The following CPLANE1 variants were observed in gnomAD, a reference collection of about 807,000 sequenced individuals.
The protein encoded by CPLANE1 is ciliogenesis and planar polarity effector 1.
A neutral mutation model predicts 362.5 loss-of-function variants in CPLANE1; 263 were observed. The ratio of observed to expected loss-of-function variants is 0.73; its 90% CI spans 0.66 to 0.80. The LOEUF (loss-of-function observed/expected upper bound fraction) is 0.80, where lower values mean the gene tolerates loss of function less well. CPLANE1 is among the 30% of genes least tolerant of loss of function. The pLI is 0.00. For synonymous variants in CPLANE1, 1,212 were observed against 1,302.6 expected, an observed-to-expected ratio of 0.93 and a Z score of 1.50; for missense variants, 3,461 against 3,793.4, an observed-to-expected ratio of 0.91 and a Z score of 2.30.
chr5:37,245,986 G>A (rs1392687796), intron 2 of CPLANE1, 141 bp from the exon 3 acceptor site: 3 of 825,942 alleles, frequency 3.6e-6, no homozygotes, highest in East Asian at 5.6e-5. Context: ...TGAACATTAA[G>A]CTTAATACTC....
chr5:37,162,569 T>A lies in CPLANE1; in HGVS notation c.7589-3A>T. ...AGTATTATCATCTTGTAGCATTTCT[T>A]AAATATAATAAAACATTGGAAGTAA... On this transcript the variant is annotated splice_polypyrimidine_tract_variant and splice_region_variant and intron_variant, in intron 37 of 52. Transcript: ENST00000651892. 2 of 1,588,626 alleles carry A rather than the reference T, an allele frequency of 1.3e-6. No individual in the cohort carries two copies. Among genetic ancestry groups the A allele is most frequent in the East Asian group, 2.2e-5 (1 of 44,740 alleles).
chr5:37,244,326 C>T (rs1413472528), intron 5 of CPLANE1, 49 bp downstream of exon 5: 2 of 1,268,996 alleles, frequency 1.6e-6, no homozygotes, highest in Non-Finnish European at 2.2e-6. Context: ...TATACCATTA[C>T]ACACTCTGCT....
At chr5:37,075,989 A>G in the CPLANE1 span, among the ~76,000 whole-genome samples, 1 of 152,144 alleles carries the variant, frequency 6.6e-6, no homozygotes, top group African/African-American at 2.4e-5. Context: ...CACACCTGCA[A>G]TCCCAGCACT....
intron 15 of CPLANE1, among the ~76,000 whole-genome samples, chr5:37,215,365 A>G (rs1341506012): frequency 6.6e-6 from 1 of 152,110 alleles, no homozygotes; most frequent in Non-Finnish European, 1.5e-5. Flanking sequence ...GATTTTCTTA[A>G]TACAACTTTC....
At chr5:37,247,595 T>G in intron 2 of CPLANE1, 23 bp downstream of exon 2, 1 of 1,544,766 alleles carries the variant, frequency 6.5e-7, no homozygotes, top group Non-Finnish European at 8.8e-7. Flanking sequence ...AAACTGGTAT[T>G]GCATGAATAA....
intron 19 of CPLANE1, among the ~76,000 whole-genome samples, chr5:37,199,401 T>C (rs956311533): frequency 1.3e-5 from 2 of 152,210 alleles, no homozygotes; most frequent in African/African-American, 4.8e-5. Flanking sequence ...ATCCTACTTA[T>C]ATTTCAATGT....
At chr5:37,160,251 G>C (rs1446243344) in intron 38 of CPLANE1, among the ~76,000 whole-genome samples, 1 of 152,104 alleles carries the variant, frequency 6.6e-6, no homozygotes, top group Non-Finnish European at 1.5e-5. Context: ...CTTAGATAAT[G>C]AACATTTAAG....
chr5:37,139,032 A>G (rs1461346636), intron 45 of CPLANE1, among the ~76,000 whole-genome samples, 184 bp from the exon 46 acceptor site: 1 of 152,170 alleles, frequency 6.6e-6, no homozygotes, highest in Non-Finnish European at 1.5e-5. Flanking sequence ...ATGACTTGGT[A>G]GATTTTCTTT....
intron 38 of CPLANE1, among the ~76,000 whole-genome samples, chr5:37,158,586 C>A (rs2150729400): frequency 6.6e-6 from 1 of 152,186 alleles, no homozygotes; most frequent in South Asian, 2.1e-4. Context: ...TTTACAAGAA[C>A]AATAAAGTAA....
Position 37,153,723 on chromosome 5 carries a change from A to G in CPLANE1, c.8373+17T>C. 1 of 1,584,294 alleles carries G rather than the reference A, an allele frequency of 6.3e-7. No homozygotes were observed. The highest frequency in any genetic ancestry group is 8.6e-7 in the Non-Finnish European group (1 of 1,160,140). On this transcript the variant is annotated intron_variant, in intron 42 of 52. Transcript: ENST00000651892. ...AATTCAGTAGCAAACAAAAAACTAA[A>G]AATAAAGGTAGTCTACCTTATCACA...
intron 16 of CPLANE1, among the ~76,000 whole-genome samples, chr5:37,208,275 T>C (rs1264566213): frequency 6.6e-6 from 1 of 152,248 alleles, no homozygotes; most frequent in Non-Finnish European, 1.5e-5. Context: ...CACACAGATC[T>C]TTCCGTTTCT....
At chr5:37,096,084 A>G in the CPLANE1 span, among the ~76,000 whole-genome samples, 5 of 152,212 alleles carry the variant, frequency 3.3e-5, no homozygotes, top group South Asian at 4.1e-4. Context: ...CAATTCTAAA[A>G]TTCATATGGA....
At chr5:37,130,845 A>AG (rs1376882896) in intron 46 of CPLANE1, 1 of 152,880 alleles carries the variant, frequency 6.5e-6, no homozygotes, top group Non-Finnish European at 1.5e-5. Context: ...CGAACTGCAT[A>AG]AACAGATCTT....
At chr5:37,191,585 T>G (rs1236940218) in intron 21 of CPLANE1, among the ~76,000 whole-genome samples, 1 of 152,000 alleles carries the variant, frequency 6.6e-6, no homozygotes, top group Non-Finnish European at 1.5e-5. Flanking sequence ...GCAGGAAAAA[T>G]GCCTGAACCC....
chr5:37,089,858 A>G, the CPLANE1 span, among the ~76,000 whole-genome samples: 2 of 152,328 alleles, frequency 1.3e-5, no homozygotes, highest in South Asian at 4.1e-4. Flanking sequence ...GCCATGTGTC[A>G]GTATCATGTA....
At chr5:37,141,561 A>G in intron 44 of CPLANE1, 2 of 966,892 alleles carry the variant, frequency 2.1e-6, no homozygotes, top group Non-Finnish European at 2.5e-6. Context: ...TTATTTAAGT[A>G]ACAGTAATGC....
At chr5:37,090,198 C>G in the CPLANE1 span, among the ~76,000 whole-genome samples, 1 of 152,192 alleles carries the variant, frequency 6.6e-6, no homozygotes, top group Admixed American at 6.5e-5. Flanking sequence ...CAAGCCGTCT[C>G]TCAGGGGCAG....
chr5:37,096,488 T>G, the CPLANE1 span, among the ~76,000 whole-genome samples: 69 of 152,308 alleles, frequency 4.5e-4, no homozygotes, highest in African/African-American at 1.6e-3. Flanking sequence ...TTCTAGAGAT[T>G]GGCTTATGTA....
Position 37,167,056 on chromosome 5 carries a change from C to T in CPLANE1, c.7391G>A (p.Ser2464Asn). The change falls in exon 35 of 53, where the codon AGT becomes AAT. Residue 2464 changes from serine (S) to asparagine (N), a missense_variant. Around this residue, in one of 2 missense-constraint regions of CPLANE1, gnomAD observed 3,380 missense variants for 3,666.1 expected, o/e 0.92. Transcript: ENST00000651892. ...TTCACTTAAGCCTTGCCTTTTTTTA[C>T]TGTCCTTTCCTTGTCTTACTTCAGG... ...EPPEVRQGKD[S>N]KKRQRRRAEK... is the part of the protein sequence containing the mutation. The T allele has an allele frequency of 6.2e-7, 1 of 1,604,658 alleles. No individual in the cohort carries two copies. The highest frequency in any genetic ancestry group is 1.7e-4 in the Middle Eastern group (1 of 6,026).
Sources: gnomAD v4.1 joint callset for allele counts (sites outside exome capture counted in the v4.1 genomes callset) on GRCh38, gnomAD v4.1.1 for gene constraint, gnomAD v4.1.1 regional missense constraint, MANE v1.5 for transcripts, NCBI Gene and HGNC (gene_info 2026-07-23, HGNC 2026-07-21) for gene names.